The following REDIC1 variants were observed in gnomAD, a reference collection of about 807,000 sequenced individuals.
REDIC1 encodes the protein regulator of DNA class I crossover intermediates 1.
At chr12:39,675,377 T>C in the REDIC1 span, among the ~76,000 whole-genome samples, 1 of 152,140 alleles carries the variant, frequency 6.6e-6, no homozygotes, top group East Asian at 1.9e-4. Flanking sequence ...GGGAACTCTA[T>C]GGCCCCACCT....
At chr12:39,659,347 A>G in the REDIC1 span, among the ~76,000 whole-genome samples, 2 of 151,916 alleles carry the variant, frequency 1.3e-5, no homozygotes, top group Non-Finnish European at 2.9e-5. Context: ...TTTTTATCAA[A>G]AATTTTTATC....
At chr12:39,807,829 G>A in the REDIC1 span, among the ~76,000 whole-genome samples, 1 of 152,058 alleles carries the variant, frequency 6.6e-6, no homozygotes, top group Non-Finnish European at 1.5e-5. Flanking sequence ...TTTAATAATC[G>A]TACCAGGAGA....
the REDIC1 span, among the ~76,000 whole-genome samples, chr12:39,748,377 A>C: frequency 1.3e-5 from 2 of 152,264 alleles, no homozygotes; most frequent in Admixed American, 6.5e-5. Flanking sequence ...TAACTATCTT[A>C]AATATATATG....
At chr12:39,669,853 G>T in the REDIC1 span, among the ~76,000 whole-genome samples, 17 of 152,340 alleles carry the variant, frequency 1.1e-4, no homozygotes, top group East Asian at 3.1e-3. Context: ...TCTGAGCCAG[G>T]TGTGGGGTAT....
At chr12:39,797,513 A>C in the REDIC1 span, among the ~76,000 whole-genome samples, 1 of 152,350 alleles carries the variant, frequency 6.6e-6, no homozygotes, top group Non-Finnish European at 1.5e-5. Flanking sequence ...GAGCTAATCC[A>C]ATAACCCATC....
the REDIC1 span, among the ~76,000 whole-genome samples, chr12:39,668,314 C>T: frequency 6.6e-6 from 1 of 151,974 alleles, no homozygotes; most frequent in Non-Finnish European, 1.5e-5. Flanking sequence ...TTGATTTCTC[C>T]TTCACTTATG....
At chr12:39,838,145 GGA>G in the REDIC1 span, among the ~76,000 whole-genome samples, 1 of 147,418 alleles carries the variant, frequency 6.8e-6, no homozygotes, top group Non-Finnish European at 1.5e-5. Flanking sequence ...TATACACCAT[GGA>G]ATACTACGCA....
chr12:39,711,730 T>C, the REDIC1 span, among the ~76,000 whole-genome samples: 7 of 8,662 alleles, frequency 8.1e-4, no homozygotes, highest in South Asian at 3.6e-3. Flanking sequence ...TGCACATGCA[T>C]GTGTGTATGT....
chr12:39,804,405 C>A, the REDIC1 span, among the ~76,000 whole-genome samples: 2 of 152,134 alleles, frequency 1.3e-5, no homozygotes, highest in African/African-American at 4.8e-5. Context: ...GAGAAACTGA[C>A]AACTTCACAA....
chr12:39,677,640 T>C, the REDIC1 span, among the ~76,000 whole-genome samples: 1 of 152,166 alleles, frequency 6.6e-6, no homozygotes, highest in African/African-American at 2.4e-5. Context: ...AGAATATACA[T>C]TCTTTTCATC....
the REDIC1 span, among the ~76,000 whole-genome samples, chr12:39,699,035 TA>T: frequency 6.6e-6 from 1 of 152,102 alleles, no homozygotes. Flanking sequence ...CAGTACAAAG[TA>T]TCAATGAAAA....
chr12:39,812,408 T>G, the REDIC1 span, among the ~76,000 whole-genome samples: 5 of 149,730 alleles, frequency 3.3e-5, no homozygotes, highest in Non-Finnish European at 7.4e-5. Flanking sequence ...CTTTCTTCCT[T>G]CCTTCCTTCC....
At chr12:39,841,808 A>C in the REDIC1 span, among the ~76,000 whole-genome samples, 2 of 152,044 alleles carry the variant, frequency 1.3e-5, no homozygotes, top group East Asian at 3.9e-4. Context: ...AGAATAGAAA[A>C]ATTAGAAGGA....
the REDIC1 span, among the ~76,000 whole-genome samples, chr12:39,781,936 T>A: frequency 6.6e-6 from 1 of 152,196 alleles, no homozygotes; most frequent in Non-Finnish European, 1.5e-5. Context: ...AAGAATATTC[T>A]GAACAATGAA....
At chr12:39,902,493 C>T in the REDIC1 span, among the ~76,000 whole-genome samples, 1 of 151,958 alleles carries the variant, frequency 6.6e-6, no homozygotes, top group African/African-American at 2.4e-5. Flanking sequence ...ATAAATTAAA[C>T]AGTGGCATAT....
At chr12:39,725,637 C>T in the REDIC1 span, among the ~76,000 whole-genome samples, 1 of 151,948 alleles carries the variant, frequency 6.6e-6, no homozygotes, top group African/African-American at 2.4e-5. Context: ...TTTCAAGCTC[C>T]TCTTTAATAC....
the REDIC1 span, among the ~76,000 whole-genome samples, chr12:39,747,254 A>G: frequency 2.0e-5 from 3 of 152,260 alleles, no homozygotes; most frequent in African/African-American, 7.2e-5. Flanking sequence ...GCTGAAAACC[A>G]TGGCATGAGA....
the REDIC1 span, among the ~76,000 whole-genome samples, chr12:39,839,024 T>C: frequency 0.013 from 2,045 of 152,208 alleles, 25 homozygotes; most frequent in Non-Finnish European, 0.023. Context: ...GTAATTGTGC[T>C]CACTCACTCC....
At chr12:39,849,583 A>T in the REDIC1 span, among the ~76,000 whole-genome samples, 1 of 151,832 alleles carries the variant, frequency 6.6e-6, no homozygotes, top group Non-Finnish European at 1.5e-5. Context: ...TTCCTTTGTG[A>T]CTCTTCCTTA....
Sources: gnomAD v4.1 joint callset for allele counts (sites outside exome capture counted in the v4.1 genomes callset) on GRCh38, gnomAD v4.1.1 for gene constraint, MANE v1.5 for transcripts, NCBI Gene and HGNC (gene_info 2026-07-23, HGNC 2026-07-21) for gene names.